CTNNA3: variants seen among roughly 807,000 people sequenced by gnomAD.
The protein encoded by CTNNA3 is catenin alpha-3.
In CTNNA3, 76 loss-of-function variants were observed where a neutral mutation model predicts 95.7. The ratio of observed to expected loss-of-function variants is 0.79; its 90% confidence interval spans 0.66 to 0.96. CTNNA3 has a LOEUF of 0.96. CTNNA3 is among the 40% of genes least tolerant of loss of function. The probability of loss-of-function intolerance (pLI) is 0.00; values close to 1 mark genes in which losing one functional copy is unlikely to be tolerated. For synonymous variants in CTNNA3, 431 were observed against 374.4 expected, an observed-to-expected ratio of 1.15 and a Z score of -1.74; for missense variants, 1,191 against 1,089.8, an observed-to-expected ratio of 1.09 and a Z score of -1.31.
At chr10:67,045,301 G>A (rs777894436) in intron 7 of CTNNA3, among the ~76,000 whole-genome samples, 2 of 152,120 alleles carry the variant, frequency 1.3e-5, no homozygotes, top group Non-Finnish European at 2.9e-5. Flanking sequence ...TGTTCCCAAG[G>A]AGTCCATGAT....
At chr10:66,845,703 C>CAAAAAAAAA (rs61085873) in intron 7 of CTNNA3, among the ~76,000 whole-genome samples, 11 of 23,534 alleles carry the variant, frequency 4.7e-4, no homozygotes, top group African/African-American at 7.2e-4. Flanking sequence ...AACTCTGTCT[C>CAAAAAAAAA]AAAAAAAAAA....
intron 1 of CTNNA3, among the ~76,000 whole-genome samples, chr10:67,715,325 T>C (rs1173000122): frequency 6.6e-6 from 1 of 152,112 alleles, no homozygotes; most frequent in Admixed American, 6.6e-5. Flanking sequence ...CACCTCAATT[T>C]TAGCAATGAA....
At chr10:66,090,889 T>A (rs1185659432) in intron 14 of CTNNA3, among the ~76,000 whole-genome samples, 2 of 152,038 alleles carry the variant, frequency 1.3e-5, no homozygotes, top group Non-Finnish European at 2.9e-5. Context: ...TAGAAGTTAC[T>A]CACTGATTAA....
intron 5 of CTNNA3, among the ~76,000 whole-genome samples, chr10:67,402,707 AC>A (rs1844968809): frequency 6.6e-6 from 1 of 152,130 alleles, no homozygotes; most frequent in Non-Finnish European, 1.5e-5. Context: ...GATCTTTGCA[AC>A]CCTCAGATCA....
intron 13 of CTNNA3, among the ~76,000 whole-genome samples, chr10:66,210,106 T>G (rs770115561): frequency 7.2e-5 from 11 of 152,138 alleles, no homozygotes; most frequent in Middle Eastern, 3.4e-3. Flanking sequence ...GGTTAATTTT[T>G]AATTGACCAT....
chr10:67,391,065 G>A (rs1448802289), intron 5 of CTNNA3, among the ~76,000 whole-genome samples: 7 of 150,198 alleles, frequency 4.7e-5, no homozygotes, highest in South Asian at 2.1e-4. Context: ...GGGCAATTAG[G>A]CAGGAGAAGG....
chr10:66,343,130 C>T (rs542400977), intron 12 of CTNNA3, among the ~76,000 whole-genome samples: 6 of 151,918 alleles, frequency 3.9e-5, no homozygotes, highest in Admixed American at 1.3e-4. Context: ...TTGGTGGGAA[C>T]GTAAACTAGT....
intron 13 of CTNNA3, among the ~76,000 whole-genome samples, chr10:66,151,821 G>A (rs966917362): frequency 6.6e-6 from 1 of 151,884 alleles, no homozygotes; most frequent in Admixed American, 6.6e-5. Context: ...TTCTATACAT[G>A]CTTCAATTCT....
At chr10:67,260,793 T>C (rs2132389301) in intron 5 of CTNNA3, among the ~76,000 whole-genome samples, 1 of 152,160 alleles carries the variant, frequency 6.6e-6, no homozygotes, top group South Asian at 2.1e-4. Flanking sequence ...CAAGCGATTC[T>C]CTCGCCTCAG....
Position 65,966,645 on chromosome 10 carries a change from G to C in CTNNA3, c.2367C>G (p.Ile789Met), listed in dbSNP as rs866450073. Residue 789 changes from isoleucine to methionine, a missense_variant, in exon 17 of 18, where the codon ATC (isoleucine) becomes ATG (methionine). Physicochemically the swap from Ile to Met is conservative, Grantham distance 10. Transcript: ENST00000433211. ...LKICSQVKAE[I>M]QNLGGELIMS... The stretch of plus-strand genomic sequence containing the variant: ...TGATGAGCTCTCCTCCCAGGTTCTG[G>C]ATCTCAGCTTTAACTTGACTGCAGA... 1 of 1,613,862 alleles carries C rather than the reference G, an allele frequency of 6.2e-7. No individual in the cohort carries two copies. The highest frequency in any genetic ancestry group is 1.1e-5 in the South Asian group (1 of 91,034).
chr10:67,614,394 C>T (rs1282582090), intron 2 of CTNNA3, among the ~76,000 whole-genome samples: 6 of 152,184 alleles, frequency 3.9e-5, no homozygotes, highest in South Asian at 4.1e-4. Context: ...AACTATACAA[C>T]TCACCATAAT....
At chr10:66,384,012 TC>T (rs1344360800) in intron 11 of CTNNA3, among the ~76,000 whole-genome samples, 1 of 152,126 alleles carries the variant, frequency 6.6e-6, no homozygotes, top group Admixed American at 6.5e-5. Context: ...GTAAAGACCA[TC>T]GATGCTATGA....
chr10:65,935,979 T>C (rs1310760228), intron 17 of CTNNA3, among the ~76,000 whole-genome samples: 3 of 151,992 alleles, frequency 2.0e-5, no homozygotes, highest in Non-Finnish European at 4.4e-5. Flanking sequence ...GATAGTGAGG[T>C]TTTTGCAACA....
intron 3 of CTNNA3, among the ~76,000 whole-genome samples, chr10:67,571,311 T>C (rs2133289551): frequency 6.6e-6 from 1 of 152,306 alleles, no homozygotes; most frequent in East Asian, 1.9e-4. Flanking sequence ...GTTTGATAAT[T>C]GTGTATCTCC....
intron 17 of CTNNA3, among the ~76,000 whole-genome samples, chr10:65,951,211 T>C (rs2077605773): frequency 6.6e-6 from 1 of 152,144 alleles, no homozygotes; most frequent in Admixed American, 6.5e-5. Flanking sequence ...TGTAGCATAA[T>C]ATAATTTGTC....
intron 5 of CTNNA3, among the ~76,000 whole-genome samples, chr10:67,230,440 T>C (rs544483350): frequency 6.6e-6 from 1 of 151,392 alleles, no homozygotes; most frequent in South Asian, 2.1e-4. Context: ...AGATAAACAG[T>C]TGGGACTTAA....
Position 67,115,770 on chromosome 10 carries a change from G to T in CTNNA3, c.1047+64547C>A, listed in dbSNP as rs556879340. Among the ~76,000 whole-genome samples the T allele has an allele frequency of 4.1e-4, 63 of 151,912 alleles. No individual in the cohort carries two copies. The South Asian group carries it at 0.013, about 31-fold the overall frequency. On this transcript the variant is annotated intron_variant, in intron 7 of 17. Coordinates refer to ENST00000433211, the MANE Select transcript of CTNNA3 (RefSeq NM_013266.4). ...GGTGGGGAGAGAGGGCAAAAGTTGG[G>T]TCTTCAGATCCTACAAGCAGAAAGG...
chr10:67,199,237 T>C (rs117081945), intron 6 of CTNNA3, among the ~76,000 whole-genome samples: 2,054 of 152,300 alleles, frequency 0.013, 20 homozygotes, highest in Non-Finnish European at 0.021. Flanking sequence ...TGTTTCATGA[T>C]TCAAGAGAAC....
chr10:67,471,825 T>C (rs1380010609), intron 5 of CTNNA3, among the ~76,000 whole-genome samples: 2 of 152,152 alleles, frequency 1.3e-5, no homozygotes, highest in Non-Finnish European at 2.9e-5. Context: ...TATGTAACTA[T>C]TAAGGGCCAG....
Sources: gnomAD v4.1 joint callset for allele counts (sites outside exome capture counted in the v4.1 genomes callset) on GRCh38, gnomAD v4.1.1 for gene constraint, MANE v1.5 for transcripts, NCBI Gene and HGNC (gene_info 2026-07-23, HGNC 2026-07-21) for gene names.